Variants in ADAM12 observed in about 807,000 individuals in gnomAD.
ADAM12 encodes ADAM metallopeptidase domain 12, also known as disintegrin and metalloproteinase domain-containing protein 12.
Under a neutral mutation model 106.4 loss-of-function variants are expected in ADAM12, and 70 were observed. The ratio of observed to expected loss-of-function variants is 0.66; its 90% CI spans 0.54 to 0.80. ADAM12 has a LOEUF of 0.80. Ranked by LOEUF, ADAM12 falls within the 30% of genes least tolerant of loss-of-function variation. The pLI is 0.00. For synonymous variants in ADAM12, 420 were observed against 433.5 expected, an observed-to-expected ratio of 0.97 and a Z score of 0.39; for missense variants, 1,010 against 1,171.9, an observed-to-expected ratio of 0.86 and a Z score of 2.02.
chr10:126,064,802 G>C lies in ADAM12; in HGVS notation c.1609+4C>G, dbSNP rs143216580. 2 of 1,599,118 alleles carry C rather than the reference G, an allele frequency of 1.3e-6. No individual in the cohort carries two copies. The highest frequency in any genetic ancestry group is 1.7e-5 in the Admixed American group (1 of 58,734). ...CTGATGCCGAGCTTGTGGCGGCCAC[G>C]TACCTGGTCCCCAGAGCGTGACACA... On this transcript the variant is annotated splice_donor_region_variant and intron_variant, in intron 14 of 22. Transcript: ENST00000448723. This position sits in a 1 kb window ranked among gnomAD's most constrained non-coding sequence, Gnocchi z 4.4.
At chr10:126,040,243 G>A (rs923043698) in intron 18 of ADAM12, among the ~76,000 whole-genome samples, 1 of 152,226 alleles carries the variant, frequency 6.6e-6, no homozygotes, top group Admixed American at 6.5e-5. Context: ...AGGTCTACCT[G>A]TGATTTCAAC....
Position 126,043,025 on chromosome 10 carries a change from A to C in ADAM12, c.2104+15T>G. ...GCTCAGCCTCCTCCCACCGGGATGC[A>C]GGGGCTTCACTGACCTGCTTGCCGG... On this transcript the variant is annotated intron_variant, in intron 18 of 22. Transcript: ENST00000448723. This position sits in a 1 kb window ranked among gnomAD's most constrained non-coding sequence, Gnocchi z 4.1. 6.2e-7 allele frequency: 1 copy of C among 1,612,894 alleles called. No homozygotes were observed. Among genetic ancestry groups the C allele is most frequent in the Admixed American group, 1.7e-5 (1 of 59,912 alleles).
chr10:126,309,159 G>A (rs12243508), intron 2 of ADAM12, among the ~76,000 whole-genome samples: 30,797 of 152,096 alleles, frequency 0.2, 3,246 homozygotes, highest in Non-Finnish European at 0.23. Context: ...TACATTGATC[G>A]TTTCAAATGA....
chr10:126,339,630 C>T (rs953102918), intron 1 of ADAM12, among the ~76,000 whole-genome samples: 1 of 152,104 alleles, frequency 6.6e-6, no homozygotes, highest in Admixed American at 6.5e-5. Flanking sequence ...ACAGGTTTCT[C>T]ATCAAGAGAA....
At chr10:126,155,378 C>A in intron 3 of ADAM12, 73 bp from the exon 4 acceptor site, 1 of 1,369,506 alleles carries the variant, frequency 7.3e-7, no homozygotes, top group Non-Finnish European at 1.0e-6. Context: ...AATGTCTAGG[C>A]TATAGGGTAG....
intron 3 of ADAM12, among the ~76,000 whole-genome samples, chr10:126,248,171 C>T (rs1365086990): frequency 6.6e-6 from 1 of 152,188 alleles, no homozygotes; most frequent in Non-Finnish European, 1.5e-5. Flanking sequence ...CCCTATGCAT[C>T]ACTGGGTAGT....
intron 3 of ADAM12, among the ~76,000 whole-genome samples, chr10:126,257,113 C>T (rs781665565): frequency 8.5e-5 from 13 of 152,228 alleles, no homozygotes; most frequent in Non-Finnish European, 1.6e-4. Flanking sequence ...AACACTGACA[C>T]CACCTGTATG....
intron 1 of ADAM12, among the ~76,000 whole-genome samples, chr10:126,334,684 C>A (rs1446238071): frequency 6.6e-6 from 1 of 152,176 alleles, no homozygotes; most frequent in African/African-American, 2.4e-5. Flanking sequence ...CAGAGCCTGG[C>A]TGCCTGCATG....
At chr10:126,106,152 T>G (rs1437955253) in intron 8 of ADAM12, among the ~76,000 whole-genome samples, 1 of 152,124 alleles carries the variant, frequency 6.6e-6, no homozygotes, top group Non-Finnish European at 1.5e-5. Flanking sequence ...CAGCCTCTGC[T>G]TGGTCATCAT....
chr10:126,062,029 C>A (rs1019704556), intron 14 of ADAM12, among the ~76,000 whole-genome samples: 1 of 152,084 alleles, frequency 6.6e-6, no homozygotes, highest in Admixed American at 6.5e-5. Context: ...TCAAGGGCCA[C>A]AGTGGGTTGC....
At chr10:126,051,494 C>A (rs1954485443) in intron 14 of ADAM12, among the ~76,000 whole-genome samples, 1 of 111,194 alleles carries the variant, frequency 9.0e-6, no homozygotes, top group African/African-American at 3.4e-5. Flanking sequence ...GCCACCCGTC[C>A]ATCCACCCGT....
chr10:126,251,492 G>A (rs1487073281), intron 3 of ADAM12, among the ~76,000 whole-genome samples: 4 of 151,268 alleles, frequency 2.6e-5, no homozygotes, highest in East Asian at 3.9e-4. Context: ...AGATGGAATC[G>A]ATGCGATGGA....
At chr10:126,185,802 G>A (rs1296357807) in intron 3 of ADAM12, among the ~76,000 whole-genome samples, 1 of 152,144 alleles carries the variant, frequency 6.6e-6, no homozygotes, top group Non-Finnish European at 1.5e-5. Context: ...CATCATGACT[G>A]TCTCAGGAAA....
At chr10:126,029,995 T>G (rs1426791685) in intron 21 of ADAM12, among the ~76,000 whole-genome samples, 1 of 152,164 alleles carries the variant, frequency 6.6e-6, no homozygotes, top group African/African-American at 2.4e-5. Context: ...TTTCAGGAAT[T>G]TATCCATCTT....
At chr10:126,122,337 T>C (rs1956130480) in intron 5 of ADAM12, among the ~76,000 whole-genome samples, 1 of 152,160 alleles carries the variant, frequency 6.6e-6, no homozygotes, top group Admixed American at 6.5e-5. Context: ...ATCAACTCTG[T>C]GGGGTGGCTT....
rs1188400915 is a variant in ADAM12 at position 126,279,740 on chromosome 10, AAAG to A, written c.187-755_187-753del. On this transcript the variant is annotated intron_variant, in intron 2 of 22. Coordinates refer to ENST00000448723, the MANE Select transcript of ADAM12 (RefSeq NM_001288973.2). Reference sequence around the variant, plus strand: ...GAAACTTCGTCTCAAAAAAACAAAAAAAGAAGAAGAAGACAAGAGTGGAGGGAG... The same window carrying A: ...GAAACTTCGTCTCAAAAAAACAAAAAAAGAAGAAGACAAGAGTGGAGGGAG... Among the ~76,000 whole-genome samples the A allele has an allele frequency of 3.9e-5, 6 of 152,110 alleles. No individual in the cohort carries two copies. In the East Asian group the frequency reaches 7.7e-4, roughly 20 times the overall value.
intron 3 of ADAM12, among the ~76,000 whole-genome samples, chr10:126,228,760 T>C (rs527840327): frequency 6.6e-6 from 1 of 152,340 alleles, no homozygotes; most frequent in East Asian, 1.9e-4. Flanking sequence ...TGCTCTGCAG[T>C]AGACATGGGC....
chr10:126,260,249 A>G (rs545268214), intron 3 of ADAM12, among the ~76,000 whole-genome samples: 1 of 152,328 alleles, frequency 6.6e-6, no homozygotes, highest in Admixed American at 6.5e-5. Flanking sequence ...CTGCTAGACT[A>G]TCCATACTCA....
At chr10:126,268,361 G>T (rs7920409) in intron 3 of ADAM12, among the ~76,000 whole-genome samples, 147,587 of 152,254 alleles carry the variant, frequency 0.97, 71,667 homozygotes, top group East Asian at 1. Flanking sequence ...ACATTTTGTG[G>T]ACTGATTCAT....
Sources: gnomAD v4.1 joint callset for allele counts (sites outside exome capture counted in the v4.1 genomes callset) on GRCh38, gnomAD v4.1.1 for gene constraint, Gnocchi (gnomAD v3.1) non-coding constraint, MANE v1.5 for transcripts, NCBI Gene and HGNC (gene_info 2026-07-23, HGNC 2026-07-21) for gene names.